WASHC5: variants seen among roughly 807,000 people sequenced by gnomAD.
WASHC5 encodes the protein WASH complex subunit strumpellin.
In WASHC5, 101 loss-of-function variants were observed where a neutral mutation model predicts 150.4. That is an observed-to-expected ratio of 0.67 (90% confidence interval 0.57 to 0.79). WASHC5 has a LOEUF of 0.79. Ranked by LOEUF, WASHC5 falls within the 30% of genes least tolerant of loss-of-function variation. The pLI is 0.00. For synonymous variants in WASHC5, 467 were observed against 491.2 expected, an observed-to-expected ratio of 0.95 and a Z score of 0.65; for missense variants, 1,195 against 1,396.3, an observed-to-expected ratio of 0.86 and a Z score of 2.30.
intron 27 of WASHC5, among the ~76,000 whole-genome samples, chr8:125,029,492 G>A (rs1815466097): frequency 6.6e-6 from 1 of 152,212 alleles, no homozygotes; most frequent in South Asian, 2.1e-4. Context: ...CCCATCAGGA[G>A]TATAAACTCC....
rs765926045 is a variant in WASHC5 at position 125,038,888 on chromosome 8, AGT to A, written c.3024_3025del (p.Leu1009PhefsTer3). 3.7e-6 allele frequency: 6 copies of A among 1,614,004 alleles called. No individual in the cohort carries two copies. Among genetic ancestry groups the A allele is most frequent in the South Asian group, 2.2e-5 (2 of 91,086 alleles). On this transcript the variant is annotated frameshift_variant, in exon 25 of 29. Coordinates refer to ENST00000318410, the MANE Select transcript of WASHC5 (RefSeq NM_014846.4). LOFTEE classifies it high-confidence loss of function. ...CAGATAGGCTGTGATTTCATATAAA[AGT>A]GTGTTATCTTCTTTGGGGTAAGGAA...
chr8:125,030,651 A>AAAG (rs1390250146), intron 27 of WASHC5, among the ~76,000 whole-genome samples: 14 of 148,336 alleles, frequency 9.4e-5, no homozygotes, highest in African/African-American at 3.6e-4. Context: ...AAAAAAAAAA[A>AAAG]AAAAAAAAAA....
At chr8:125,071,649 TCTCTA>T (rs1184900826) in intron 9 of WASHC5, among the ~76,000 whole-genome samples, 2 of 152,176 alleles carry the variant, frequency 1.3e-5, no homozygotes, top group African/African-American at 4.8e-5. Flanking sequence ...AATGTTTCCC[TCTCTA>T]CTCTGAACTC....
chr8:125,029,181 G>A (rs1431712257), intron 27 of WASHC5, among the ~76,000 whole-genome samples: 4 of 152,094 alleles, frequency 2.6e-5, no homozygotes, highest in Non-Finnish European at 5.9e-5. Context: ...ACAGATGCAC[G>A]CCAGCATGCC....
At chr8:125,044,985 A>G (rs1816018904) in intron 20 of WASHC5, 1 of 433,140 alleles carries the variant, frequency 2.3e-6, no homozygotes, top group African/African-American at 2.0e-5. Flanking sequence ...TGCTGAGAAG[A>G]CAAGGTTAGG....
In WASHC5 at chr8:125,024,515, T is replaced by G; in HGVS notation, c.*102A>C. 1.2e-6 allele frequency: 1 copy of G among 846,284 alleles called. No homozygotes were observed. The highest frequency in any genetic ancestry group is 1.8e-5 in the Admixed American group (1 of 56,084). 52.4% of individuals were successfully genotyped at this position (846,284 alleles called of 1,614,324 possible). ...TGTTTCCCATAATAGACAGAAAAAA[T>G]GCAGTTGTATGAGCAACTGAGTTTC... On this transcript the variant is annotated 3_prime_UTR_variant, in exon 29 of 29. Coordinates refer to ENST00000318410, the MANE Select transcript of WASHC5 (RefSeq NM_014846.4).
chr8:125,068,569 T>C (rs1816814928), intron 9 of WASHC5, among the ~76,000 whole-genome samples: 1 of 152,222 alleles, frequency 6.6e-6, no homozygotes, highest in Admixed American at 6.5e-5. Flanking sequence ...CTGTGAGTAC[T>C]ACTAGATGCT....
intron 28 of WASHC5, among the ~76,000 whole-genome samples, chr8:125,026,429 T>TA (rs893769384): frequency 3.3e-5 from 5 of 152,118 alleles, no homozygotes; most frequent in African/African-American, 4.8e-5. Context: ...TCAGCATTTA[T>TA]AAAAAATCAA....
At chr8:125,027,521 G>A (rs1018562605) in intron 28 of WASHC5, among the ~76,000 whole-genome samples, 3 of 152,196 alleles carry the variant, frequency 2.0e-5, no homozygotes, top group Non-Finnish European at 4.4e-5. Context: ...CTCAGGAATG[G>A]AAAACCAAAC....
At chr8:125,055,517 CATG>C (rs1458146138) in intron 17 of WASHC5, 71 bp downstream of exon 17, 11 of 865,066 alleles carry the variant, frequency 1.3e-5, no homozygotes, top group Admixed American at 5.1e-5. Context: ...CTTTTGCACA[CATG>C]ATAATTACCA....
chr8:125,063,209 G>A (rs1284122001), intron 11 of WASHC5, among the ~76,000 whole-genome samples: 1 of 152,066 alleles, frequency 6.6e-6, no homozygotes, highest in African/African-American at 2.4e-5. Flanking sequence ...CATGGAGATG[G>A]AGGCCAACTG....
chr8:125,086,293 T>A (rs1042966174), intron 1 of WASHC5, among the ~76,000 whole-genome samples: 1 of 152,178 alleles, frequency 6.6e-6, no homozygotes, highest in Admixed American at 6.5e-5. Context: ...TGTCTTCGCA[T>A]GGCCACCCCA....
In WASHC5 at chr8:125,086,648, C is replaced by T. The variant is rs1002955652; in HGVS notation, c.-124-2626G>A. ...CCAACTCAGCTCATAACAGCTTGTG[C>T]CTTCCTTCCTTCAACCCAAAGAATA... is the stretch of plus-strand genomic sequence containing the variant. On this transcript the variant is annotated intron_variant, in intron 1 of 28. Coordinates refer to ENST00000318410, the MANE Select transcript of WASHC5 (RefSeq NM_014846.4). Among the ~76,000 whole-genome samples, 3 of 152,184 alleles carry T rather than the reference C, an allele frequency of 2.0e-5. No individual in the cohort carries two copies. The South Asian group carries it at 6.2e-4, about 32-fold the overall frequency.
intron 9 of WASHC5, among the ~76,000 whole-genome samples, chr8:125,069,413 G>C (rs1331014110): frequency 6.6e-6 from 1 of 152,162 alleles, no homozygotes; most frequent in Non-Finnish European, 1.5e-5. Flanking sequence ...GACTTAAACA[G>C]ACTTTGTCAA....
Position 125,059,134 on chromosome 8 carries a change from A to G in WASHC5, c.1764+88T>C, listed in dbSNP as rs1324508415. ...TGAAATTATTTACCTTCCTAAAAGGATAAAATCCTGGGCTGAATTAATGAA... is the reference window on the plus strand; with the variant it reads ...TGAAATTATTTACCTTCCTAAAAGGGTAAAATCCTGGGCTGAATTAATGAA... On this transcript the variant is annotated intron_variant, in intron 14 of 28. Coordinates refer to ENST00000318410, the MANE Select transcript of WASHC5 (RefSeq NM_014846.4). 5 of 972,378 alleles carry G rather than the reference A, an allele frequency of 5.1e-6. No individual in the cohort carries two copies. In the African/African-American group the frequency reaches 6.5e-5, roughly 13 times the overall value. The allele number at this position is 972,378 out of a possible 1,614,324, so 60.2% of individuals were successfully genotyped here.
intron 27 of WASHC5, among the ~76,000 whole-genome samples, chr8:125,030,638 A>AT (rs1815502869): frequency 4.4e-5 from 3 of 68,574 alleles, no homozygotes; most frequent in Non-Finnish European, 5.3e-5. Flanking sequence ...TCTTTCTCAT[A>AT]AAAAAAAAAA....
In WASHC5 at chr8:125,082,442, C is replaced by T. The variant is rs368728041; in HGVS notation, c.358G>A (p.Val120Ile). The change falls in exon 4 of 29, where the codon GTT becomes ATT. Residue 120 changes from valine to isoleucine, a missense_variant. Val to Ile is a conservative substitution (Grantham distance 29). Around this residue, in one of 3 missense-constraint regions of WASHC5, gnomAD observed 195 missense variants for 206.9 expected, o/e 0.94. Transcript: ENST00000318410. ...NRYLDDLNEG[V>I]YIQQTLETVL... ...GTTTCTAAGGTTTGCTGAATATAAA[C>T]CCCTTCATTGAGATCATCTAGATAT... The T allele has an allele frequency of 3.8e-6, 6 of 1,586,604 alleles. No homozygotes were observed. The highest frequency in any genetic ancestry group is 1.3e-5 in the African/African-American group (1 of 74,474).
At chr8:125,067,824 A>G (rs1816793462) in intron 9 of WASHC5, 105 bp from the exon 10 acceptor site, 3 of 1,188,938 alleles carry the variant, frequency 2.5e-6, no homozygotes, top group Non-Finnish European at 3.7e-6. Context: ...TTTAAAAAGT[A>G]ATAAGCAAAA....
intron 11 of WASHC5, among the ~76,000 whole-genome samples, chr8:125,062,826 A>C (rs1461720521): frequency 1.3e-5 from 2 of 152,234 alleles, no homozygotes; most frequent in Admixed American, 1.3e-4. Context: ...GCGTTAAAAA[A>C]ATAGTTTGTC....
Sources: gnomAD v4.1 joint callset for allele counts (sites outside exome capture counted in the v4.1 genomes callset) on GRCh38, gnomAD v4.1.1 for gene constraint, gnomAD v4.1.1 regional missense constraint, MANE v1.5 for transcripts, NCBI Gene and HGNC (gene_info 2026-07-23, HGNC 2026-07-21) for gene names.